The following SHTN1 variants were observed in gnomAD, a reference collection of about 807,000 sequenced individuals.
SHTN1 encodes shootin-1.
A neutral mutation model predicts 83.1 loss-of-function variants in SHTN1; 42 were observed. That is an observed-to-expected ratio of 0.51 (90% CI 0.39 to 0.65). The LOEUF is 0.65. SHTN1 is among the 30% of genes least tolerant of loss of function. The pLI is 0.00. For synonymous variants in SHTN1, 224 were observed against 247.7 expected, an observed-to-expected ratio of 0.90 and a Z score of 0.90; for missense variants, 622 against 737.8, an observed-to-expected ratio of 0.84 and a Z score of 1.82.
chr10:117,076,611 C>T (rs1477485778), intron 1 of SHTN1, among the ~76,000 whole-genome samples: 5 of 152,168 alleles, frequency 3.3e-5, no homozygotes, highest in African/African-American at 1.2e-4. Flanking sequence ...TATTTAGCTG[C>T]ACTGGATAGG....
Position 117,112,325 on chromosome 10 carries a change from A to G in SHTN1, c.-189+13982T>C, listed in dbSNP as rs578093923. Among the ~76,000 whole-genome samples, 3 of 152,238 alleles carry G rather than the reference A, an allele frequency of 2.0e-5. No homozygotes were observed. The East Asian group carries it at 5.8e-4, about 29-fold the overall frequency. ...AAGCAGGATCTCCAGTCAATTACAG[A>G]CACAGCCAACAAATCACCCTAGCTC... On this transcript the variant is annotated intron_variant, in intron 1 of 17. Coordinates refer to the SHTN1 transcript ENST00000392901.
chr10:116,907,860 T>C (rs1374138292), intron 14 of SHTN1: 3 of 517,078 alleles, frequency 5.8e-6, no homozygotes, highest in Non-Finnish European at 1.2e-5. Flanking sequence ...CCAGCCTTTG[T>C]AATGTTTGAA....
rs1453530350 is a variant in SHTN1 at position 116,886,580 on chromosome 10, A to G, written c.1674-14T>C. ...CTACTGGGAGGCCTATGAGATGAAG[A>G]GTTAGACAAAAAAAGTAAAAAGCAG... On this transcript the variant is annotated splice_polypyrimidine_tract_variant and intron_variant, in intron 16 of 16. Transcript: ENST00000355371. The G allele has an allele frequency of 1.9e-6, 3 of 1,611,450 alleles. No homozygotes were observed. Among genetic ancestry groups the G allele is most frequent in the Non-Finnish European group, 2.5e-6 (3 of 1,178,676 alleles).
intron 9 of SHTN1, among the ~76,000 whole-genome samples, chr10:116,932,816 T>C (rs550849972): frequency 6.6e-6 from 1 of 152,318 alleles, no homozygotes; most frequent in Non-Finnish European, 1.5e-5. Flanking sequence ...TATAATTTCA[T>C]TGATAACTTT....
chr10:117,097,580 C>T (rs1853522561), intron 1 of SHTN1, among the ~76,000 whole-genome samples: 1 of 152,166 alleles, frequency 6.6e-6, no homozygotes, highest in Admixed American at 6.5e-5. Flanking sequence ...CACAGATCAG[C>T]TTCATGGGTC....
At chr10:116,922,809 A>G (rs547387650) in intron 11 of SHTN1, among the ~76,000 whole-genome samples, 3 of 152,196 alleles carry the variant, frequency 2.0e-5, no homozygotes, top group African/African-American at 7.2e-5. Flanking sequence ...TACTAAAAAT[A>G]TGAAAAAATT....
chr10:116,981,044 C>G (rs1236609528), intron 1 of SHTN1, among the ~76,000 whole-genome samples: 1 of 152,098 alleles, frequency 6.6e-6, no homozygotes, highest in Non-Finnish European at 1.5e-5. Context: ...ACAGGCTGGG[C>G]GTGGTGGCTC....
chr10:117,005,335 G>A, upstream of SHTN1: 1 of 1,310,966 alleles, frequency 7.6e-7, no homozygotes, highest in Non-Finnish European at 9.7e-7. Flanking sequence ...GTGGAGGAAC[G>A]AGGGCGGGTC....
chr10:116,927,593 G>A (rs970463886), intron 11 of SHTN1, among the ~76,000 whole-genome samples, 199 bp downstream of exon 11: 43 of 152,160 alleles, frequency 2.8e-4, no homozygotes, highest in African/African-American at 9.4e-4. Flanking sequence ...TACCTCCCAC[G>A]ATACGTGAGA....
intron 14 of SHTN1, 87 bp downstream of exon 14, chr10:116,911,703 C>T: frequency 6.3e-7 from 1 of 1,579,206 alleles, no homozygotes; most frequent in African/African-American, 1.4e-5. Context: ...ATAAAACACA[C>T]CACAAACAAT....
chr10:117,099,918 CT>C (rs890807785), intron 1 of SHTN1, among the ~76,000 whole-genome samples: 19 of 152,058 alleles, frequency 1.2e-4, no homozygotes, highest in African/African-American at 4.4e-4. Flanking sequence ...TGGCTCACAC[CT>C]GTAATCCCAG....
At chr10:116,918,160 A>C (rs1425241187) in intron 12 of SHTN1, among the ~76,000 whole-genome samples, 1 of 152,204 alleles carries the variant, frequency 6.6e-6, no homozygotes, top group Non-Finnish European at 1.5e-5. Flanking sequence ...ATTAAAGAAA[A>C]GGGACAAATG....
intron 4 of SHTN1, among the ~76,000 whole-genome samples, chr10:116,958,819 T>C (rs1246675105): frequency 6.6e-6 from 1 of 152,166 alleles, no homozygotes; most frequent in African/African-American, 2.4e-5. Context: ...GAGAACAAAA[T>C]TAACTTGTCC....
At chr10:116,991,769 C>T (rs571476809) in intron 1 of SHTN1, among the ~76,000 whole-genome samples, 2 of 152,152 alleles carry the variant, frequency 1.3e-5, no homozygotes, top group South Asian at 4.1e-4. Flanking sequence ...ATCCAAACTT[C>T]CAAACTATAC....
intron 14 of SHTN1, among the ~76,000 whole-genome samples, chr10:116,907,741 T>C (rs905738949): frequency 1.3e-5 from 2 of 152,138 alleles, no homozygotes; most frequent in Non-Finnish European, 2.9e-5. Flanking sequence ...AGGAGAACCA[T>C]ACATAATCTT....
chr10:117,106,059 G>A (rs1043431494), intron 1 of SHTN1, among the ~76,000 whole-genome samples: 4 of 151,828 alleles, frequency 2.6e-5, no homozygotes, highest in African/African-American at 9.7e-5. Flanking sequence ...GGAGTGAGCC[G>A]AGGTCGCACC....
At chr10:116,934,148 G>A (rs1297506675) in intron 9 of SHTN1, among the ~76,000 whole-genome samples, 1 of 152,112 alleles carries the variant, frequency 6.6e-6, no homozygotes, top group African/African-American at 2.4e-5. Flanking sequence ...CTTTTGCTGT[G>A]CATAAGTTCT....
chr10:117,093,868 T>A (rs17613929), intron 1 of SHTN1, among the ~76,000 whole-genome samples: 2,224 of 152,282 alleles, frequency 0.015, 20 homozygotes, highest in Non-Finnish European at 0.025. Context: ...AACCAATGCT[T>A]TCTGTCAAGG....
chr10:117,035,298 C>G (rs752779563), intron 2 of SHTN1, among the ~76,000 whole-genome samples: 2 of 152,172 alleles, frequency 1.3e-5, no homozygotes, highest in Non-Finnish European at 2.9e-5. Flanking sequence ...AAGAATGAAA[C>G]TAGACCCTTA....
Sources: gnomAD v4.1 joint callset for allele counts (sites outside exome capture counted in the v4.1 genomes callset) on GRCh38, gnomAD v4.1.1 for gene constraint, MANE v1.5 for transcripts, NCBI Gene and HGNC (gene_info 2026-07-23, HGNC 2026-07-21) for gene names.